The following ASAP1 variants were observed in gnomAD, a reference collection of about 807,000 sequenced individuals.
The protein encoded by ASAP1 is arf-GAP with SH3 domain, ANK repeat and PH domain-containing protein 1.
ASAP1 carries 43 observed loss-of-function variants against 145.2 expected under a neutral mutation model. That is an observed-to-expected ratio of 0.30 (90% CI 0.23 to 0.38). The LOEUF is 0.38. ASAP1 is among the 10% of genes least tolerant of loss of function. The pLI is 1.00. For missense variants in ASAP1, 1,018 were observed against 1,355.3 expected, an observed-to-expected ratio of 0.75 and a Z score of 3.91; for synonymous variants, 546 against 515.5, an observed-to-expected ratio of 1.06 and a Z score of -0.80.
rs905755447 is a variant in ASAP1 at position 130,366,886 on chromosome 8, C to CTTTTTTTTTTTTTTTTTTTTTTTT, written c.60-8744_60-8743insAAAAAAAAAAAAAAAAAAAAAAAA. 4.4e-4 allele frequency among the ~76,000 whole-genome samples: 44 copies of CTTTTTTTTTTTTTTTTTTTTTTTT among 99,194 alleles called. 2 individuals carry two copies. Among genetic ancestry groups the CTTTTTTTTTTTTTTTTTTTTTTTT allele is most frequent in the South Asian group, 1.3e-3 (3 of 2,280 alleles). The allele number at this position is 99,194 out of a possible 152,430, so 65.1% of individuals were successfully genotyped here. A position where few individuals can be genotyped will look rare whatever the true frequency, so the allele number is the denominator to read the frequency against. On this transcript the variant is annotated intron_variant, in intron 2 of 29. Transcript: ENST00000518721. ...TCTAAACAGGTACTATGCTAGATTC[C>CTTTTTTTTTTTTTTTTTTTTTTTT]TTTTTTTTTTTTTTTTTTTTTTGAG...
At chr8:130,198,128 C>G (rs1815626513) in intron 5 of ASAP1, among the ~76,000 whole-genome samples, 1 of 151,104 alleles carries the variant, frequency 6.6e-6, no homozygotes, top group African/African-American at 2.4e-5. Flanking sequence ...GGTTTATTTT[C>G]ATAAGATTTT....
chr8:130,409,981 T>C (rs999069293), intron 1 of ASAP1, among the ~76,000 whole-genome samples: 5 of 152,164 alleles, frequency 3.3e-5, no homozygotes, highest in Admixed American at 2.0e-4. Flanking sequence ...ACAGACAGGA[T>C]GAATGGTTGT....
At chr8:130,055,764 C>A (rs892045795) in intron 29 of ASAP1, among the ~76,000 whole-genome samples, 1 of 152,158 alleles carries the variant, frequency 6.6e-6, no homozygotes. Context: ...AAAACAAAAT[C>A]GTGCATATTG....
chr8:130,128,049 G>A lies in ASAP1; in HGVS notation c.1259C>T (p.Thr420Ile). The A allele has an allele frequency of 6.2e-7, 1 of 1,611,478 alleles. No homozygotes were observed. The highest frequency in any genetic ancestry group is 2.2e-5 in the East Asian group (1 of 44,722). ...VLTNSKEEAL[T>I]MAFRGEQSAG... ...ACTCTGCTCTCCACGGAAGGCCATGGTTAGGGCCTCTTCTTTGCTATTTGT... is the reference window on the plus strand; with the variant it reads ...ACTCTGCTCTCCACGGAAGGCCATGATTAGGGCCTCTTCTTTGCTATTTGT... The change falls in exon 16 of 30, where the codon ACC becomes ATC. Residue 420 changes from threonine to isoleucine, a missense_variant. Thr to Ile is a moderately conservative substitution (Grantham distance 89, BLOSUM62 -1). Transcript: ENST00000518721.
intron 4 of ASAP1, among the ~76,000 whole-genome samples, chr8:130,234,183 T>C (rs1289053829): frequency 6.6e-6 from 1 of 152,196 alleles, no homozygotes; most frequent in Non-Finnish European, 1.5e-5. Context: ...GGACTTCCTG[T>C]GATGATGGAG....
intron 3 of ASAP1, among the ~76,000 whole-genome samples, chr8:130,307,662 G>A (rs577139261): frequency 5.3e-5 from 8 of 152,294 alleles, no homozygotes; most frequent in Non-Finnish European, 7.4e-5. Flanking sequence ...CACCTCTCAA[G>A]TGATCATCTA....
chr8:130,342,391 ATAC>A (rs1825440818), intron 3 of ASAP1, among the ~76,000 whole-genome samples: 1 of 152,166 alleles, frequency 6.6e-6, no homozygotes. Flanking sequence ...CTTCTGTAAA[ATAC>A]CGTGGGTAAA....
At chr8:130,085,351 C>T (rs1456952980) in intron 25 of ASAP1, among the ~76,000 whole-genome samples, 1 of 152,170 alleles carries the variant, frequency 6.6e-6, no homozygotes, top group East Asian at 1.9e-4. Flanking sequence ...ATTCACCTTA[C>T]TTTGCTACCT....
rs186772732 is a variant in ASAP1, at chr8:130,166,110, T to C, written c.909+1426A>G. 2.4e-4 allele frequency among the ~76,000 whole-genome samples: 37 copies of C among 152,214 alleles called. No individual in the cohort carries two copies. The East Asian group carries it at 6.6e-3, about 27-fold the overall frequency. ...AAATACAGCTTACTACAGCCTCCAC[T>C]TCCTGGGCTCCTCAGCTTCCCTAGT... On this transcript the variant is annotated intron_variant, in intron 11 of 29. Transcript: ENST00000518721.
chr8:130,278,758 A>AG (rs1821076254), intron 3 of ASAP1, among the ~76,000 whole-genome samples: 1 of 152,168 alleles, frequency 6.6e-6, no homozygotes, highest in African/African-American at 2.4e-5. Context: ...AACAGAAGAG[A>AG]GGGGGAGCTG....
chr8:130,321,242 G>T (rs932894790), intron 3 of ASAP1, among the ~76,000 whole-genome samples: 27 of 152,088 alleles, frequency 1.8e-4, no homozygotes, highest in African/African-American at 6.3e-4. Flanking sequence ...AAAGAAGCAG[G>T]CCTGGCATTT....
chr8:130,158,744 A>AT lies in ASAP1; in HGVS notation c.1010+1119dup, dbSNP rs879935055. On this transcript the variant is annotated intron_variant, in intron 12 of 29. Transcript: ENST00000518721. ...GGCGAATGACATCATATGCTTTATG[A>AT]TTTTTTTTTTTTTGTCTCGCACTGT... Among the ~76,000 whole-genome samples, 184 of 144,584 alleles carry AT rather than the reference A, an allele frequency of 1.3e-3. 1 individual carries two copies. Among genetic ancestry groups the AT allele is most frequent in the Middle Eastern group, 3.6e-3 (1 of 274 alleles). The allele number at this position is 144,584 out of a possible 152,430, so 94.9% of individuals were successfully genotyped here. A position where few individuals can be genotyped will look rare whatever the true frequency, so the allele number is the denominator to read the frequency against.
rs984631132 is a variant in ASAP1 at position 130,346,033 on chromosome 8, C to T, written c.186+11984G>A. Among the ~76,000 whole-genome samples the T allele has an allele frequency of 3.9e-5, 6 of 152,186 alleles. No homozygotes were observed. The South Asian group carries it at 8.3e-4, about 21-fold the overall frequency. ...TATATATAAAGCCCAGAGAGGTAGA[C>T]TTAACCGTATTTGGAAAACTTTTTA... On this transcript the variant is annotated intron_variant, in intron 3 of 29. Transcript: ENST00000518721.
chr8:130,411,311 AAGGCACAGGCTC>A (rs1286525568), intron 1 of ASAP1, among the ~76,000 whole-genome samples: 9 of 152,190 alleles, frequency 5.9e-5, no homozygotes, highest in Non-Finnish European at 1.3e-4. Context: ...CTCAGCCACC[AAGGCACAGGCTC>A]GGAGTGCCAG....
intron 9 of ASAP1, among the ~76,000 whole-genome samples, chr8:130,169,895 C>T (rs996961781): frequency 1.3e-5 from 2 of 152,186 alleles, no homozygotes; most frequent in African/African-American, 4.8e-5. Context: ...TCTTTACCAG[C>T]AAGTGAAGAT....
intron 27 of ASAP1, among the ~76,000 whole-genome samples, chr8:130,063,984 T>C (rs369509976): frequency 1.3e-5 from 2 of 150,432 alleles, no homozygotes; most frequent in East Asian, 3.9e-4. Context: ...AGGAGGAGAG[T>C]GACCACCAAG....
intron 4 of ASAP1, among the ~76,000 whole-genome samples, chr8:130,227,400 A>G (rs1210802428): frequency 6.6e-6 from 1 of 152,112 alleles, no homozygotes; most frequent in East Asian, 1.9e-4. Context: ...CCACAGGTGC[A>G]TGCCACCATG....
intron 27 of ASAP1, among the ~76,000 whole-genome samples, chr8:130,070,637 A>G (rs1205366443): frequency 1.3e-5 from 2 of 151,860 alleles, no homozygotes; most frequent in African/African-American, 2.4e-5. Context: ...GGACCTTGCT[A>G]TGAAATGTTA....
At chr8:130,433,703 T>C (rs1314328151) in intron 1 of ASAP1, among the ~76,000 whole-genome samples, 1 of 152,252 alleles carries the variant, frequency 6.6e-6, no homozygotes, top group African/African-American at 2.4e-5. Context: ...TTCTCCCTAC[T>C]GATCATGCAA....
Sources: gnomAD v4.1 joint callset for allele counts (sites outside exome capture counted in the v4.1 genomes callset) on GRCh38, gnomAD v4.1.1 for gene constraint, MANE v1.5 for transcripts, NCBI Gene and HGNC (gene_info 2026-07-23, HGNC 2026-07-21) for gene names.